Variants in BMP2K observed in about 807,000 individuals in gnomAD.
BMP2K encodes BMP2 inducible kinase.
In BMP2K, 74 loss-of-function variants were observed where a neutral mutation model predicts 116.0. The observed-to-expected ratio is 0.64, with a 90% confidence interval of 0.53 to 0.77. The LOEUF is 0.77. Ranked by LOEUF, BMP2K falls within the 30% of genes least tolerant of loss-of-function variation. The pLI, the probability that BMP2K is intolerant of heterozygous loss-of-function variation, is 0.00. For missense variants in BMP2K, 1,365 were observed against 1,403.6 expected, an observed-to-expected ratio of 0.97 and a Z score of 0.44; for synonymous variants, 486 against 502.5, an observed-to-expected ratio of 0.97 and a Z score of 0.44.
chr4:78,785,333 A>T (rs1378606380), intron 1 of BMP2K, among the ~76,000 whole-genome samples: 2 of 152,060 alleles, frequency 1.3e-5, no homozygotes, highest in African/African-American at 4.8e-5. Flanking sequence ...CTGGTTTCTT[A>T]ACTTCTGACC....
Position 78,910,633 on chromosome 4 carries a change from C to T in BMP2K, c.2086C>T (p.His696Tyr). 3 of 1,544,026 alleles carry T rather than the reference C, an allele frequency of 1.9e-6. No homozygotes were observed. Among genetic ancestry groups the T allele is most frequent in the Non-Finnish European group, 2.6e-6 (3 of 1,151,282 alleles). ...HSGSPEKKAE[H>Y]SSINQENGTA... Reference sequence around the variant, plus strand: ...AGGTTCTCCTGAAAAGAAAGCTGAACATTCATCTATAAATCAAGAAAATGG... The same window carrying T: ...AGGTTCTCCTGAAAAGAAAGCTGAATATTCATCTATAAATCAAGAAAATGG... Residue 696 changes from histidine (H) to tyrosine (Y), a missense_variant, in exon 16 of 16, where the codon CAT (histidine) becomes TAT (tyrosine). By Grantham distance (83) the His-to-Tyr change is moderately conservative. Coordinates refer to ENST00000502613, the MANE Select transcript of BMP2K (RefSeq NM_198892.2).
chr4:78,900,559 G>A (rs1052123173), intron 15 of BMP2K, among the ~76,000 whole-genome samples: 1 of 152,072 alleles, frequency 6.6e-6, no homozygotes, highest in Non-Finnish European at 1.5e-5. Flanking sequence ...TTTGTGATAG[G>A]GAATTAAGGA....
chr4:78,854,280 T>C (rs916063917), intron 7 of BMP2K, among the ~76,000 whole-genome samples: 2 of 150,788 alleles, frequency 1.3e-5, no homozygotes, highest in Admixed American at 6.6e-5. Context: ...TATTATTATT[T>C]ATTTATTTTT....
rs770422776 is a variant in BMP2K, at chr4:78,872,599, C to G, written c.1609-15C>G. On this transcript the variant is annotated splice_polypyrimidine_tract_variant and intron_variant, in intron 12 of 15. Transcript: ENST00000502613. ...ACTGGAGCATTGTTTTGTATAATAT[C>G]ATTTCTTTTTTCAGATGCCGCAGTA... 5.0e-6 allele frequency: 8 copies of G among 1,611,486 alleles called. No homozygotes were observed. The South Asian group carries it at 8.8e-5, about 18-fold the overall frequency.
intron 1 of BMP2K, chr4:78,820,915 A>C (rs1729588077): frequency 6.5e-6 from 1 of 152,770 alleles, no homozygotes; most frequent in Non-Finnish European, 1.5e-5. Context: ...CTCTGAAAAA[A>C]ATTGTGGAAT....
At chr4:78,887,411 T>C (rs553277366) in intron 15 of BMP2K, 127 bp downstream of exon 15, 3 of 706,422 alleles carry the variant, frequency 4.2e-6, no homozygotes, top group Non-Finnish European at 7.3e-6. Flanking sequence ...ATTTTAACCT[T>C]TAGCCATCCT....
intron 2 of BMP2K, among the ~76,000 whole-genome samples, chr4:78,830,227 G>A (rs1398742298): frequency 6.6e-6 from 1 of 152,160 alleles, no homozygotes; most frequent in African/African-American, 2.4e-5. Context: ...GGGTGACTAG[G>A]TACGTTGTCA....
intron 1 of BMP2K, 82 bp downstream of exon 1, chr4:78,776,803 C>G: frequency 8.7e-7 from 1 of 1,146,256 alleles, no homozygotes; most frequent in Non-Finnish European, 1.1e-6. Flanking sequence ...CCTCGCCCTC[C>G]GGACTGACTC....
At position 78,895,685 on chromosome 4, in the gene BMP2K, AATC is replaced by A. The variant is rs562264347; in HGVS notation, c.2062+8406_2062+8408del. Among the ~76,000 whole-genome samples, 164 of 152,326 alleles carry A rather than the reference AATC, an allele frequency of 1.1e-3. 1 individual carries two copies. Among genetic ancestry groups the A allele is most frequent in the Admixed American group, 2.2e-3 (34 of 15,290 alleles). On this transcript the variant is annotated intron_variant, in intron 15 of 15. Transcript: ENST00000502613. ...TAGCTCATATCTATTGTTAAAGAAA[AATC>A]ATCAAAATTTTATGGAGCAAAAGGA...
intron 14 of BMP2K, among the ~76,000 whole-genome samples, chr4:78,880,395 G>A (rs912221167): frequency 9.9e-5 from 15 of 152,174 alleles, no homozygotes; most frequent in African/African-American, 3.6e-4. Context: ...GGAAGGGGTA[G>A]ATACAAGGTG....
intron 1 of BMP2K, among the ~76,000 whole-genome samples, chr4:78,802,216 G>A (rs577399399): frequency 2.6e-5 from 4 of 152,326 alleles, no homozygotes; most frequent in African/African-American, 7.2e-5. Flanking sequence ...AAAGTGCTTT[G>A]TGGGTCTAGA....
rs116357624 is a variant in BMP2K, at chr4:78,894,186, T to G, written c.2062+6902T>G. On this transcript the variant is annotated intron_variant, in intron 15 of 15. Coordinates refer to ENST00000502613, the MANE Select transcript of BMP2K (RefSeq NM_198892.2). ...GGCCTCGAAGTTTTGGAATGGCAAG[T>G]AAGCATTGGTTTCAACTTAAAGTCA... is the stretch of plus-strand genomic sequence containing the variant. 8.5e-3 allele frequency among the ~76,000 whole-genome samples: 1,294 copies of G among 152,334 alleles called. 8 individuals are homozygous for G. Among genetic ancestry groups the G allele is most frequent in the Non-Finnish European group, 0.012 (828 of 68,030 alleles).
rs1369704020 is a variant in BMP2K, at chr4:78,916,096, CTT to C, written c.*4064_*4065del. On this transcript the variant is annotated 3_prime_UTR_variant, in exon 16 of 16. Coordinates refer to ENST00000502613, the MANE Select transcript of BMP2K (RefSeq NM_198892.2). Reference sequence around the variant, plus strand: ...TTACAAAACATACTTGCTAAAGTAACTTCAGTCCTCAAATATAGCTGGGAAAC... The same window carrying C: ...TTACAAAACATACTTGCTAAAGTAACCAGTCCTCAAATATAGCTGGGAAAC... 2.6e-5 allele frequency: 4 copies of C among 151,826 alleles called. No homozygotes were observed. The highest frequency in any genetic ancestry group is 9.7e-5 in the African/African-American group (4 of 41,400). The allele number at this position is 151,826 out of a possible 1,614,324, so 9.4% of individuals were successfully genotyped here. A position where few individuals can be genotyped will look rare whatever the true frequency, so the allele number is the denominator to read the frequency against.
intron 1 of BMP2K, among the ~76,000 whole-genome samples, chr4:78,811,623 A>G (rs1480390951): frequency 6.6e-6 from 1 of 152,244 alleles, no homozygotes; most frequent in Non-Finnish European, 1.5e-5. Flanking sequence ...ATATGTGTGT[A>G]TAAGGTAATA....
At position 78,910,718 on chromosome 4, in the gene BMP2K, G is replaced by T. The variant is rs765655218; in HGVS notation, c.2171G>T (p.Gly724Val). 6.2e-7 allele frequency: 1 copy of T among 1,613,512 alleles called. No individual in the cohort carries two copies. The highest frequency in any genetic ancestry group is 8.5e-7 in the Non-Finnish European group (1 of 1,179,778). The change falls in exon 16 of 16, where the codon GGA (glycine) becomes GTA (valine). Residue 724 changes from glycine (G) to valine (V), a missense_variant. Coordinates refer to ENST00000502613, the MANE Select transcript of BMP2K (RefSeq NM_198892.2). ...CCAGCATCTAAAGATCAGCGGACTG[G>T]AAAGAAAACCTCAGTACAGGGTCAA... ...TSPASKDQRT[G>V]KKTSVQGQVQ...
intron 15 of BMP2K, among the ~76,000 whole-genome samples, chr4:78,905,829 A>T (rs1734255903): frequency 6.6e-6 from 1 of 151,888 alleles, no homozygotes; most frequent in African/African-American, 2.4e-5. Context: ...TTTTTAAATT[A>T]TAGGAATATG....
chr4:78,777,264 T>C (rs2109909298), intron 1 of BMP2K, among the ~76,000 whole-genome samples: 1 of 152,330 alleles, frequency 6.6e-6, no homozygotes, highest in Non-Finnish European at 1.5e-5. Flanking sequence ...ATTCAGTTAG[T>C]AGGTTGCACT....
At chr4:78,796,505 G>T (rs111313005) in intron 1 of BMP2K, among the ~76,000 whole-genome samples, 1 of 151,978 alleles carries the variant, frequency 6.6e-6, no homozygotes, top group Admixed American at 6.6e-5. Context: ...CCTGCACAAT[G>T]TGCACATGTA....
At chr4:78,813,462 C>A (rs79707089) in intron 1 of BMP2K, among the ~76,000 whole-genome samples, 1 of 152,150 alleles carries the variant, frequency 6.6e-6, no homozygotes, top group Non-Finnish European at 1.5e-5. Flanking sequence ...GTGACATTAC[C>A]CTCATCCGTA....
Sources: gnomAD v4.1 joint callset for allele counts (sites outside exome capture counted in the v4.1 genomes callset) on GRCh38, gnomAD v4.1.1 for gene constraint, MANE v1.5 for transcripts, NCBI Gene and HGNC (gene_info 2026-07-23, HGNC 2026-07-21) for gene names.